PTPRM: variants seen among roughly 807,000 people sequenced by gnomAD.
The protein encoded by PTPRM is receptor-type tyrosine-protein phosphatase mu.
A neutral mutation model predicts 186.7 loss-of-function variants in PTPRM; 47 were observed. That is an observed-to-expected ratio of 0.25 (90% confidence interval 0.20 to 0.32). PTPRM has a LOEUF of 0.32. Ranked by LOEUF, PTPRM falls within the 10% of genes least tolerant of loss-of-function variation. The pLI is 1.00. For synonymous variants in PTPRM, 668 were observed against 674.9 expected (o/e 0.99, Z 0.16); for missense variants, 1,494 against 1,865.0 (o/e 0.80, Z 3.66).
intron 2 of PTPRM, among the ~76,000 whole-genome samples, chr18:7,847,870 A>G (rs2046673779): frequency 6.6e-6 from 1 of 152,174 alleles, no homozygotes; most frequent in Admixed American, 6.5e-5. Context: ...CCCAGGCGCT[A>G]TGCCATCAGA....
intron 23 of PTPRM, among the ~76,000 whole-genome samples, chr18:8,354,923 T>C (rs537125067): frequency 6.6e-6 from 1 of 152,270 alleles, no homozygotes; most frequent in South Asian, 2.1e-4. Context: ...GTGATTATAA[T>C]GGTTGGGAGT....
At chr18:8,197,612 G>A (rs892443738) in intron 14 of PTPRM, among the ~76,000 whole-genome samples, 2 of 152,152 alleles carry the variant, frequency 1.3e-5, no homozygotes, top group South Asian at 2.1e-4. Context: ...TTATGTTTCA[G>A]CGATACGTTA....
intron 14 of PTPRM, among the ~76,000 whole-genome samples, chr18:8,193,537 C>T (rs923880944): frequency 3.3e-4 from 50 of 152,210 alleles, no homozygotes; most frequent in African/African-American, 1.2e-3. Context: ...CTGTAATGAA[C>T]ATCAACTGTC....
rs962409744 is a variant in PTPRM, at chr18:7,925,715, C to T, written c.548-853C>T. Among the ~76,000 whole-genome samples the T allele has an allele frequency of 8.5e-5, 13 of 152,236 alleles. No individual in the cohort carries two copies. The East Asian group carries it at 2.3e-3, about 27-fold the overall frequency. On this transcript the variant is annotated intron_variant, in intron 4 of 32. Transcript: ENST00000580170. ...AGCACTCTGCTGTGCCCACCCTTCC[C>T]GCTTTGTTACTCTTTCACTCTATCA...
At chr18:7,658,439 G>A (rs1220551115) in intron 1 of PTPRM, among the ~76,000 whole-genome samples, 1 of 150,696 alleles carries the variant, frequency 6.6e-6, no homozygotes, top group Non-Finnish European at 1.5e-5. Flanking sequence ...TGATGCAGAC[G>A]TTTCTCAAGG....
At chr18:7,877,691 G>A (rs540647643) in intron 2 of PTPRM, among the ~76,000 whole-genome samples, 4 of 152,294 alleles carry the variant, frequency 2.6e-5, no homozygotes, top group East Asian at 3.9e-4. Context: ...TCCTAATTCA[G>A]GTTGTTTGGC....
intron 1 of PTPRM, among the ~76,000 whole-genome samples, chr18:7,606,091 T>C (rs762784153): frequency 1.6e-4 from 24 of 151,982 alleles, no homozygotes; most frequent in Non-Finnish European, 2.9e-4. Flanking sequence ...CTCAGCACTT[T>C]GCTACCTGTT....
chr18:7,950,436 A>G (rs1010887534), intron 6 of PTPRM, among the ~76,000 whole-genome samples: 1 of 152,176 alleles, frequency 6.6e-6, no homozygotes, highest in Non-Finnish European at 1.5e-5. Context: ...CTTATGTGGT[A>G]TAAAAGCAAT....
At chr18:7,991,447 CA>C (rs2083264758) in intron 7 of PTPRM, among the ~76,000 whole-genome samples, 1 of 151,930 alleles carries the variant, frequency 6.6e-6, no homozygotes, top group Admixed American at 6.6e-5. Context: ...GATGAGGTGA[CA>C]AAGAACAGAG....
chr18:8,273,892 C>G (rs2094802520), intron 19 of PTPRM, among the ~76,000 whole-genome samples: 1 of 152,182 alleles, frequency 6.6e-6, no homozygotes, highest in Non-Finnish European at 1.5e-5. Flanking sequence ...TTCCTCTGCC[C>G]TTTGGAAATT....
intron 12 of PTPRM, 48 bp downstream of exon 12, chr18:8,113,807 T>C: frequency 6.6e-7 from 1 of 1,516,666 alleles, no homozygotes; most frequent in Non-Finnish European, 8.9e-7. Flanking sequence ...GGGTTGTTAA[T>C]GTGAACATAG....
chr18:7,811,159 A>G (rs2044490593), intron 2 of PTPRM, among the ~76,000 whole-genome samples: 1 of 152,236 alleles, frequency 6.6e-6, no homozygotes, highest in African/African-American at 2.4e-5. Flanking sequence ...AGGAGCAGAA[A>G]GGCAAGCGTG....
chr18:8,315,241 G>A (rs1332108034), intron 21 of PTPRM, among the ~76,000 whole-genome samples: 1 of 151,938 alleles, frequency 6.6e-6, no homozygotes, highest in African/African-American at 2.4e-5. Flanking sequence ...CATATTATTC[G>A]ACACTTAAAA....
At chr18:7,625,048 A>T (rs1001787067) in intron 1 of PTPRM, among the ~76,000 whole-genome samples, 4 of 152,174 alleles carry the variant, frequency 2.6e-5, no homozygotes, top group African/African-American at 9.7e-5. Context: ...CCTCTAACAG[A>T]ATTTACAGAA....
At chr18:8,182,859 A>C (rs1206650650) in intron 14 of PTPRM, among the ~76,000 whole-genome samples, 1 of 152,232 alleles carries the variant, frequency 6.6e-6, no homozygotes, top group African/African-American at 2.4e-5. Context: ...GACTGCTCTG[A>C]TGACCCTCTT....
At position 8,379,227 on chromosome 18, in the gene PTPRM, C is replaced by T. The variant is rs558883755; in HGVS notation, c.3673C>T (p.Arg1225Trp). Residue 1225 changes from arginine to tryptophan, a missense_variant, in exon 28 of 33, where the codon CGG becomes TGG. Coordinates refer to ENST00000580170, the MANE Select transcript of PTPRM (RefSeq NM_001105244.2). ...GGACTGCAGCATCGCACTGTTGCCC[C>T]GGAACCATGAGAAAAACCGGTGCAT... ...VEDCSIALLP[R>W]NHEKNRCMDI... 3.7e-6 allele frequency: 6 copies of T among 1,613,884 alleles called. No individual in the cohort carries two copies. The highest frequency in any genetic ancestry group is 1.3e-5 in the African/African-American group (1 of 74,902).
chr18:8,139,817 C>T (rs1476536212), intron 13 of PTPRM, among the ~76,000 whole-genome samples: 1 of 152,090 alleles, frequency 6.6e-6, no homozygotes, highest in African/African-American at 2.4e-5. Context: ...TGATTTTTCT[C>T]TACAGCTAGC....
intron 22 of PTPRM, among the ~76,000 whole-genome samples, chr18:8,321,817 A>C (rs1238369678): frequency 1.3e-5 from 2 of 152,192 alleles, no homozygotes; most frequent in African/African-American, 4.8e-5. Flanking sequence ...CATATTAAGA[A>C]TAATACATTC....
chr18:8,018,334 T>A (rs1054956173), intron 7 of PTPRM, among the ~76,000 whole-genome samples: 1 of 152,176 alleles, frequency 6.6e-6, no homozygotes, highest in Non-Finnish European at 1.5e-5. Flanking sequence ...GGAACCTTTT[T>A]AAATGCAGCT....
Sources: gnomAD v4.1 joint callset for allele counts (sites outside exome capture counted in the v4.1 genomes callset) on GRCh38, gnomAD v4.1.1 for gene constraint, MANE v1.5 for transcripts, NCBI Gene and HGNC (gene_info 2026-07-23, HGNC 2026-07-21) for gene names.